DST: variants seen among roughly 807,000 people sequenced by gnomAD.
The protein encoded by DST is bullous pemphigoid antigen.
A neutral mutation model predicts 875.2 loss-of-function variants in DST; 253 were observed. The ratio of observed to expected loss-of-function variants is 0.29; its 90% CI spans 0.26 to 0.32. The LOEUF is 0.32. DST is among the 10% of genes least tolerant of loss of function. The probability of loss-of-function intolerance (pLI) is 1.00; values close to 1 mark genes in which losing one functional copy is unlikely to be tolerated. For synonymous variants in DST, 3,124 were observed against 3,197.1 expected (o/e 0.98, Z 0.77); for missense variants, 8,287 against 9,111.6 (o/e 0.91, Z 3.68).
intron 2 of DST, among the ~76,000 whole-genome samples, chr6:56,950,385 C>T (rs1423537111): frequency 9.9e-5 from 15 of 152,150 alleles, no homozygotes; most frequent in Admixed American, 9.8e-4. Context: ...GAAGTACTCC[C>T]AAGACCCTTT....
rs746955339 is a variant in DST at position 56,900,504 on chromosome 6, C to G, written c.334G>C (p.Val112Leu). Residue 112 changes from valine (V) to leucine (L), a missense_variant, in exon 3 of 104, where the codon GTG (valine) becomes CTG (leucine). By Grantham distance (32) the Val-to-Leu change is conservative. This residue lies in a region of DST where 1,160 missense variants were observed against 1,424.3 expected (regional missense o/e 0.81). Coordinates refer to ENST00000680361, the MANE Select transcript of DST (RefSeq NM_001374736.1). ...CTCTTCTTGATTCTTCGTTTCCTCACTGAAGTTTCTTGCTCACTCTGATGG... is the reference window on the plus strand; with the variant it reads ...CTCTTCTTGATTCTTCGTTTCCTCAGTGAAGTTTCTTGCTCACTCTGATGG... ...VHHQSEQETS[V>L]RKRRIKKSSR... 1 of 1,367,728 alleles carries G rather than the reference C, an allele frequency of 7.3e-7. No homozygotes were observed. 84.7% of individuals were successfully genotyped at this position (1,367,728 alleles called of 1,614,324 possible). A position where few individuals can be genotyped will look rare whatever the true frequency, so the allele number is the denominator to read the frequency against.
rs60820166 is a variant in DST, at chr6:56,501,379, G to A, written c.19740+141C>T. 7.6e-3 allele frequency: 8,594 copies of A among 1,130,250 alleles called. 462 individuals are homozygous for A. In the African/African-American group the frequency reaches 0.12, roughly 16 times the overall value. The allele number at this position is 1,130,250 out of a possible 1,614,324, so 70.0% of individuals were successfully genotyped here. On this transcript the variant is annotated intron_variant, in intron 79 of 103. Transcript: ENST00000680361. ...AAGCCTAATCATCATATCCTTCTAT[G>A]TTTTAAGTTTGACGCTCCTCATGGT...
intron 98 of DST, chr6:56,467,075 T>C (rs1187442148): frequency 6.6e-6 from 1 of 152,196 alleles, no homozygotes; most frequent in African/African-American, 2.4e-5. Flanking sequence ...AGAAATGATT[T>C]TATACTTTAA....
intron 15 of DST, 92 bp from the exon 16 acceptor site, chr6:56,642,595 C>CA: frequency 2.5e-6 from 4 of 1,613,944 alleles, no homozygotes; most frequent in Non-Finnish European, 3.4e-6. Context: ...AAAAGTAAAA[C>CA]ACAATCCCAC....
intron 64 of DST, among the ~76,000 whole-genome samples, chr6:56,531,831 C>T (rs1310493903): frequency 2.0e-5 from 3 of 152,114 alleles, no homozygotes; most frequent in Non-Finnish European, 2.9e-5. Flanking sequence ...AGCACCCTTC[C>T]ACCTTCTTTG....
intron 4 of DST, among the ~76,000 whole-genome samples, chr6:56,760,600 T>C (rs541754148): frequency 6.6e-6 from 1 of 152,322 alleles, no homozygotes; most frequent in East Asian, 1.9e-4. Context: ...CAAGCAAGTA[T>C]TATATTTGCC....
At chr6:56,859,799 G>T (rs990181241) in intron 3 of DST, among the ~76,000 whole-genome samples, 1 of 151,986 alleles carries the variant, frequency 6.6e-6, no homozygotes, top group South Asian at 2.1e-4. Context: ...CACTTATTAG[G>T]CTTAAAAATA....
intron 61 of DST, 127 bp downstream of exon 61, chr6:56,552,057 A>G: frequency 8.7e-7 from 1 of 1,143,982 alleles, no homozygotes; most frequent in South Asian, 1.7e-5. Context: ...ATATATGCTC[A>G]TTCTGGCTCA....
At chr6:56,950,214 T>TA (rs1455265367) in intron 2 of DST, among the ~76,000 whole-genome samples, 4 of 152,124 alleles carry the variant, frequency 2.6e-5, no homozygotes. Context: ...AAACAGGAAA[T>TA]AGAGATATTT....
At chr6:56,845,626 A>C (rs966757637) in intron 4 of DST, among the ~76,000 whole-genome samples, 2 of 152,254 alleles carry the variant, frequency 1.3e-5, no homozygotes, top group African/African-American at 4.8e-5. Context: ...TCTTGAAATA[A>C]AAGGGTTAGC....
intron 4 of DST, among the ~76,000 whole-genome samples, chr6:56,751,471 AGGC>A (rs2099586909): frequency 6.6e-6 from 1 of 152,128 alleles, no homozygotes. Context: ...TTTTTACAGC[AGGC>A]ATTCTTGTGA....
At position 56,615,439 on chromosome 6, in the gene DST, G is replaced by A. The variant is rs2098604101; in HGVS notation, c.4930-955C>T. The A allele has an allele frequency of 7.5e-6, 12 of 1,602,752 alleles. No homozygotes were observed. In the South Asian group the frequency reaches 1.1e-4, roughly 15 times the overall value. ...ACATAATTCACAGACTGCATATGTA[G>A]CCGATATCATCATACTCTGAAAAAG... On this transcript the variant is annotated intron_variant, in intron 36 of 103. Transcript: ENST00000680361.
At chr6:56,478,125 G>C (rs1289704343) in intron 90 of DST, among the ~76,000 whole-genome samples, 1 of 152,166 alleles carries the variant, frequency 6.6e-6, no homozygotes, top group African/African-American at 2.4e-5. Context: ...GGGAGAGACA[G>C]TATTGCTAGA....
intron 92 of DST, 31 bp from the exon 93 acceptor site, chr6:56,474,033 A>G: frequency 6.4e-7 from 1 of 1,552,898 alleles, no homozygotes; most frequent in South Asian, 1.2e-5. Flanking sequence ...TCAATCAAAT[A>G]AGAGTTACTA....
In DST at chr6:56,487,259, T is replaced by C. The variant is rs758881656; in HGVS notation, c.20892A>G (p.Ser6964=). The part of the protein sequence containing the change: ...QLAQHKEFQK[S]LGAKHSVYDT... ...CGTAGACAGAATGCTTGGCTCCGAGTGATTTCTGAAACTCCTAAATATTTA... is the reference window on the plus strand; with the variant it reads ...CGTAGACAGAATGCTTGGCTCCGAGCGATTTCTGAAACTCCTAAATATTTA... Residue 6964 remains serine, a synonymous_variant, in exon 87 of 104, where the codon TCA becomes TCG. Transcript: ENST00000680361. 1.9e-6 allele frequency: 3 copies of C among 1,564,414 alleles called. No homozygotes were observed. In the South Asian group the frequency reaches 3.7e-5, roughly 19 times the overall value.
rs943156209 is a variant in DST at position 56,535,278 on chromosome 6, T to A, written c.16785A>T (p.Ala5595=). 1 of 1,576,398 alleles carries A rather than the reference T, an allele frequency of 6.3e-7. No individual in the cohort carries two copies. The highest frequency in any genetic ancestry group is 1.4e-5 in the African/African-American group (1 of 72,530). ...GCAGCAAGGCCTCCTGCAGCTGGGC[T>A]GCTCGCTGAGCCACCTGCAAAGTGC... ...KTLNKKVAQR[A]AQLQEALLHC... is the part of the protein sequence containing the mutation. The change falls in exon 63 of 104, where the codon GCA becomes GCT. Residue 5595 remains alanine, a synonymous_variant. Coordinates refer to ENST00000680361, the MANE Select transcript of DST (RefSeq NM_001374736.1).
rs556871676 is a variant in DST at position 56,800,725 on chromosome 6, ACTC to A, written c.625+50669_625+50671del. Reference sequence around the variant, plus strand: ...AAAAATAAAAACAAAAAAAATAAAAACTCCTATCTAAGGTTGGGCATAGTGGCT... The same window carrying A: ...AAAAATAAAAACAAAAAAAATAAAAACTATCTAAGGTTGGGCATAGTGGCT... On this transcript the variant is annotated intron_variant, in intron 4 of 103. Transcript: ENST00000680361. 2.6e-3 allele frequency among the ~76,000 whole-genome samples: 394 copies of A among 152,020 alleles called. 4 individuals are homozygous for A. The highest frequency in any genetic ancestry group is 0.012 in the South Asian group (59 of 4,800).
rs1483140949 is a variant in DST at position 56,779,940 on chromosome 6, T to C, written c.626-44651A>G. 2.8e-5 allele frequency among the ~76,000 whole-genome samples: 4 copies of C among 144,708 alleles called. 1 individual carries two copies. In the Admixed American group the frequency reaches 2.8e-4, roughly 10 times the overall value. The allele number at this position is 144,708 out of a possible 152,430, so 94.9% of individuals were successfully genotyped here. On this transcript the variant is annotated intron_variant, in intron 4 of 103. Coordinates refer to ENST00000680361, the MANE Select transcript of DST (RefSeq NM_001374736.1). The stretch of plus-strand genomic sequence containing the variant: ...CCTTCCTGTGTCCATGTGTTCTCAT[T>C]GTTCAATTCCCATCTATGAGTGAGA...
intron 4 of DST, among the ~76,000 whole-genome samples, chr6:56,808,690 T>TC (rs1211418865): frequency 6.6e-6 from 1 of 152,220 alleles, no homozygotes; most frequent in Non-Finnish European, 1.5e-5. Context: ...AAATTTGATT[T>TC]CCCACAACTA....
Sources: gnomAD v4.1 joint callset for allele counts (sites outside exome capture counted in the v4.1 genomes callset) on GRCh38, gnomAD v4.1.1 for gene constraint, gnomAD v4.1.1 regional missense constraint, MANE v1.5 for transcripts, NCBI Gene and HGNC (gene_info 2026-07-23, HGNC 2026-07-21) for gene names.